Variants in PDZRN3 observed in about 807,000 individuals in gnomAD.
PDZRN3 encodes E3 ubiquitin-protein ligase PDZRN3.
In PDZRN3, 38 loss-of-function variants were observed where a neutral mutation model predicts 85.7. The ratio of observed to expected loss-of-function variants is 0.44; its 90% CI spans 0.34 to 0.58. The LOEUF is 0.58. PDZRN3 is among the 20% of genes least tolerant of loss of function. The pLI is 0.01. For missense variants in PDZRN3, 1,629 were observed against 1,506.4 expected (o/e 1.08, Z -1.35); for synonymous variants, 759 against 638.0 (o/e 1.19, Z -2.86).
chr3:73,401,110 G>T, intron 4 of PDZRN3, 101 bp from the exon 5 acceptor site: 1 of 838,682 alleles, frequency 1.2e-6, no homozygotes, highest in African/African-American at 1.7e-5. Flanking sequence ...AATTCCCAGG[G>T]TGTGGGCCCT....
chr3:73,443,665 T>C lies in PDZRN3; in HGVS notation c.919-39270A>G, dbSNP rs114934920. On this transcript the variant is annotated intron_variant, in intron 3 of 9. Coordinates refer to ENST00000263666, the MANE Select transcript of PDZRN3 (RefSeq NM_015009.3). ...TATGCCTGGCTATTTTTTTATTTATTTTTTTGTAGAGATGGGGTGGGTCTC... is the reference window on the plus strand; with the variant it reads ...TATGCCTGGCTATTTTTTTATTTATCTTTTTGTAGAGATGGGGTGGGTCTC... Among the ~76,000 whole-genome samples the C allele has an allele frequency of 8.0e-3, 1,217 of 151,920 alleles. 23 individuals carry two copies. The highest frequency in any genetic ancestry group is 0.028 in the African/African-American group (1,179 of 41,408).
intron 3 of PDZRN3, among the ~76,000 whole-genome samples, chr3:73,450,462 A>T (rs1327894117): frequency 6.6e-6 from 1 of 152,248 alleles, no homozygotes; most frequent in Non-Finnish European, 1.5e-5. Context: ...CAGTGCAGCC[A>T]ATAGATATCG....
At chr3:73,524,380 C>T (rs943288689) in intron 3 of PDZRN3, among the ~76,000 whole-genome samples, 1 of 152,194 alleles carries the variant, frequency 6.6e-6, no homozygotes, top group Admixed American at 6.5e-5. Context: ...CACCAGCTAT[C>T]AAGGCAATCA....
intron 3 of PDZRN3, among the ~76,000 whole-genome samples, chr3:73,424,541 C>CAAAAAAA (rs34550639): frequency 5.5e-5 from 3 of 54,232 alleles, no homozygotes; most frequent in Admixed American, 2.9e-4. Context: ...GACTCCATCT[C>CAAAAAAA]AAAAAAAAAA....
intron 3 of PDZRN3, among the ~76,000 whole-genome samples, chr3:73,475,567 A>C (rs962525111): frequency 2.0e-5 from 3 of 152,246 alleles, no homozygotes; most frequent in African/African-American, 7.2e-5. Context: ...TGTCAAATGC[A>C]GGCCTGAGAG....
chr3:73,451,571 A>G (rs999611523), intron 3 of PDZRN3, among the ~76,000 whole-genome samples: 2 of 152,178 alleles, frequency 1.3e-5, no homozygotes, highest in African/African-American at 4.8e-5. Flanking sequence ...AGGGTCACTA[A>G]AGAGAGTAAA....
Position 73,451,747 on chromosome 3 carries a change from G to T in PDZRN3, c.919-47352C>A, listed in dbSNP as rs925788496. ...CCTTTCTTAAAATAACTACCAGCTT[G>T]CTGATGCCAAGTAACTCTCACTCAT... On this transcript the variant is annotated intron_variant, in intron 3 of 9. Coordinates refer to ENST00000263666, the MANE Select transcript of PDZRN3 (RefSeq NM_015009.3). 2.0e-5 allele frequency among the ~76,000 whole-genome samples: 3 copies of T among 152,240 alleles called. No individual in the cohort carries two copies. In the South Asian group the frequency reaches 6.2e-4, roughly 32 times the overall value.
chr3:73,416,890 T>TTTTTTTTTTTTTTTG (rs1702099518), intron 3 of PDZRN3, among the ~76,000 whole-genome samples: 3 of 139,960 alleles, frequency 2.1e-5, no homozygotes, highest in African/African-American at 8.4e-5. Context: ...TTTTTTTTTT[T>TTTTTTTTTTTTTTTG]TTTTTTTTTT....
intron 3 of PDZRN3, among the ~76,000 whole-genome samples, chr3:73,483,095 A>T (rs1002732416): frequency 6.6e-6 from 1 of 152,198 alleles, no homozygotes; most frequent in African/African-American, 2.4e-5. Flanking sequence ...ACTTCAGAGG[A>T]GGTCAATTAA....
intron 3 of PDZRN3, among the ~76,000 whole-genome samples, chr3:73,480,207 G>A (rs1408163370): frequency 6.6e-6 from 1 of 152,226 alleles, no homozygotes; most frequent in Non-Finnish European, 1.5e-5. Context: ...ATGAAGGCCA[G>A]CCTGGCTGAA....
intron 3 of PDZRN3, among the ~76,000 whole-genome samples, chr3:73,477,396 C>T (rs142263542): frequency 6.6e-6 from 1 of 152,154 alleles, no homozygotes; most frequent in Non-Finnish European, 1.5e-5. Flanking sequence ...TCTGACAAAG[C>T]AGTCTCCAAT....
At chr3:73,521,193 G>A (rs1704354853) in intron 3 of PDZRN3, among the ~76,000 whole-genome samples, 1 of 152,144 alleles carries the variant, frequency 6.6e-6, no homozygotes, top group Non-Finnish European at 1.5e-5. Context: ...CGTTAAACGG[G>A]TTGTTGTGCG....
chr3:73,569,109 C>G, intron 3 of PDZRN3: 1 of 1,188,144 alleles, frequency 8.4e-7, no homozygotes, highest in South Asian at 1.3e-5. Context: ...ACCCAGCTCA[C>G]CTATTCTAAA....
At chr3:73,494,513 A>G (rs930631355) in intron 3 of PDZRN3, among the ~76,000 whole-genome samples, 2 of 152,228 alleles carry the variant, frequency 1.3e-5, no homozygotes, top group African/African-American at 4.8e-5. Flanking sequence ...CAAAACACCA[A>G]TAAAGGAACT....
chr3:73,461,371 T>C (rs751480693), intron 3 of PDZRN3, among the ~76,000 whole-genome samples: 12 of 152,236 alleles, frequency 7.9e-5, no homozygotes, highest in Non-Finnish European at 1.5e-4. Context: ...ATGTGCAGCA[T>C]GAGTTTGGAG....
chr3:73,513,601 T>C (rs1250555411), intron 3 of PDZRN3, among the ~76,000 whole-genome samples: 1 of 152,204 alleles, frequency 6.6e-6, no homozygotes, highest in East Asian at 1.9e-4. Flanking sequence ...CTAACTACAC[T>C]GCAAGTAAGT....
chr3:73,574,458 G>GGT (rs1407608681), intron 3 of PDZRN3, among the ~76,000 whole-genome samples: 18 of 13,542 alleles, frequency 1.3e-3, no homozygotes, highest in Middle Eastern at 0.026. Context: ...TGGCTGGGGT[G>GGT]GGGGGGGTGG....
Position 73,457,131 on chromosome 3 carries a change from G to T in PDZRN3, c.919-52736C>A, listed in dbSNP as rs545431611. 2.8e-4 allele frequency among the ~76,000 whole-genome samples: 43 copies of T among 152,152 alleles called. No homozygotes were observed. In the South Asian group the frequency reaches 8.9e-3, roughly 32 times the overall value. On this transcript the variant is annotated intron_variant, in intron 3 of 9. Transcript: ENST00000263666. ...TCTGTCGCCCAGGCTGGAGTGCAGTGGCGTGATCTCGGCTCACCGCAACCT... is the reference window on the plus strand; with the variant it reads ...TCTGTCGCCCAGGCTGGAGTGCAGTTGCGTGATCTCGGCTCACCGCAACCT...
intron 3 of PDZRN3, among the ~76,000 whole-genome samples, chr3:73,450,997 A>G (rs1471111456): frequency 6.6e-6 from 1 of 152,024 alleles, no homozygotes; most frequent in African/African-American, 2.4e-5. Context: ...TTTTCAGGCC[A>G]TTGGGGAAAC....
Sources: allele counts gnomAD v4.1 joint callset (sites outside exome capture counted in the v4.1 genomes callset), GRCh38; gene constraint gnomAD v4.1.1; transcripts MANE v1.5; gene names NCBI Gene and HGNC (gene_info 2026-07-23, HGNC 2026-07-21).